Variants in DMXL2 observed in about 807,000 individuals in gnomAD.
DMXL2 encodes dmX-like protein 2.
A neutral mutation model predicts 331.1 loss-of-function variants in DMXL2; 103 were observed. That is an observed-to-expected ratio of 0.31 (90% CI 0.27 to 0.37). DMXL2 has a LOEUF of 0.37. Among genes scored for constraint, DMXL2 ranks in the 10% least tolerant of loss-of-function variants. The pLI is 1.00. For synonymous variants in DMXL2, 1,281 were observed against 1,252.1 expected (o/e 1.02, Z -0.49); for missense variants, 3,171 against 3,642.9 (o/e 0.87, Z 3.33).
At chr15:51,521,646 C>T (rs1464841702) in intron 13 of DMXL2, among the ~76,000 whole-genome samples, 1 of 152,118 alleles carries the variant, frequency 6.6e-6, no homozygotes, top group Non-Finnish European at 1.5e-5. Context: ...ATCCAATGAG[C>T]TGGCTTAAGT....
At chr15:51,451,263 CACAAAAAGG>C (rs985945587) in intron 42 of DMXL2, among the ~76,000 whole-genome samples, 3 of 151,824 alleles carry the variant, frequency 2.0e-5, no homozygotes, top group Middle Eastern at 3.2e-3. Context: ...CCTTGATCTC[CACAAAAAGG>C]AAAAAAAGAC....
intron 2 of DMXL2, among the ~76,000 whole-genome samples, chr15:51,570,042 T>A (rs2050558724): frequency 6.6e-6 from 1 of 151,868 alleles, no homozygotes; most frequent in Non-Finnish European, 1.5e-5. Flanking sequence ...CTAAGAACCT[T>A]GAAAAAAGGT....
At chr15:51,532,170 TTACA>T (rs980610547) in intron 13 of DMXL2, among the ~76,000 whole-genome samples, 3 of 151,986 alleles carry the variant, frequency 2.0e-5, no homozygotes, top group African/African-American at 7.3e-5. Context: ...AATGTGGTAC[TTACA>T]TACGACAGAG....
In DMXL2 at chr15:51,496,130, C is replaced by A. The variant is rs137934960; in HGVS notation, c.4673-996G>T. On this transcript the variant is annotated intron_variant, in intron 18 of 43. Transcript: ENST00000560891. Reference sequence around the variant, plus strand: ...AAAGTGCTGCCATTACAGGTGTGAGCCACCATGCTCATTCGTCCGTTTATT... The same window carrying A: ...AAAGTGCTGCCATTACAGGTGTGAGACACCATGCTCATTCGTCCGTTTATT... Among the ~76,000 whole-genome samples, 8 of 152,236 alleles carry A rather than the reference C, an allele frequency of 5.3e-5. No homozygotes were observed. In the East Asian group the frequency reaches 1.5e-3, roughly 29 times the overall value.
At position 51,502,877 on chromosome 15, in the gene DMXL2, G is replaced by T; in HGVS notation, c.2921C>A (p.Ser974Tyr). ...LQTASKLILS[S>Y]RLVYSQPLDL... is the part of the protein sequence containing the mutation. Reference sequence around the variant, plus strand: ...AAGGGGTTGGCTATACACCAGTCTAGAACTCAGAATAAGTTTACTGGCAGT... The same window carrying T: ...AAGGGGTTGGCTATACACCAGTCTATAACTCAGAATAAGTTTACTGGCAGT... Residue 974 changes from serine to tyrosine, a missense_variant, in exon 17 of 44, where the codon TCT becomes TAT. Physicochemically the swap from Ser to Tyr is moderately radical, Grantham distance 144 (BLOSUM62 -2). Transcript: ENST00000560891. 1 of 1,614,048 alleles carries T rather than the reference G, an allele frequency of 6.2e-7. No individual in the cohort carries two copies. Among genetic ancestry groups the T allele is most frequent in the Non-Finnish European group, 8.5e-7 (1 of 1,179,996 alleles).
chr15:51,579,493 G>A (rs1277951344), intron 1 of DMXL2, among the ~76,000 whole-genome samples: 1 of 152,164 alleles, frequency 6.6e-6, no homozygotes, highest in African/African-American at 2.4e-5. Flanking sequence ...CCACTATACT[G>A]AATGGTTCAT....
At chr15:51,523,847 A>C (rs917637924) in intron 13 of DMXL2, among the ~76,000 whole-genome samples, 1 of 152,262 alleles carries the variant, frequency 6.6e-6, no homozygotes, top group African/African-American at 2.4e-5. Context: ...AACTTATAGA[A>C]GTAAAAGGAG....
At chr15:51,458,681 C>T (rs1216964466) in intron 35 of DMXL2, 28 bp downstream of exon 35, 2 of 1,613,340 alleles carry the variant, frequency 1.2e-6, no homozygotes, top group Non-Finnish European at 1.7e-6. Context: ...AGGAGAAATA[C>T]ACTGTGTATA....
chr15:51,520,032 T>C (rs1162648968), intron 13 of DMXL2, among the ~76,000 whole-genome samples: 1 of 152,176 alleles, frequency 6.6e-6, no homozygotes, highest in Non-Finnish European at 1.5e-5. Context: ...AATACAAATT[T>C]TTTCACAATC....
intron 1 of DMXL2, among the ~76,000 whole-genome samples, chr15:51,614,142 T>C (rs974257038): frequency 2.0e-5 from 3 of 152,098 alleles, no homozygotes; most frequent in Admixed American, 6.6e-5. Flanking sequence ...CGCAAGTGCA[T>C]GTACACAAAG....
intron 16 of DMXL2, among the ~76,000 whole-genome samples, chr15:51,504,026 T>A (rs2043874818): frequency 6.6e-6 from 1 of 152,096 alleles, no homozygotes; most frequent in African/African-American, 2.4e-5. Context: ...AAGAAACCCC[T>A]TATACAGTCC....
chr15:51,567,788 A>G (rs1304453194), intron 3 of DMXL2: 1 of 152,436 alleles, frequency 6.6e-6, no homozygotes, highest in African/African-American at 2.4e-5. Context: ...TTTTATCTGA[A>G]AGAAATATGG....
intron 1 of DMXL2, among the ~76,000 whole-genome samples, chr15:51,586,024 TC>T (rs1231520312): frequency 6.6e-6 from 1 of 152,184 alleles, no homozygotes; most frequent in Non-Finnish European, 1.5e-5. Context: ...TTGAATAAGT[TC>T]TTTTGTCCAC....
chr15:51,451,744 T>C (rs200955838), intron 41 of DMXL2, 47 bp from the exon 42 acceptor site: 112 of 1,523,080 alleles, frequency 7.4e-5, no homozygotes, highest in Non-Finnish European at 8.5e-5. Flanking sequence ...ATGATTGTTA[T>C]AAGTCGTCAT....
chr15:51,576,523 C>T (rs1468721686), intron 1 of DMXL2, among the ~76,000 whole-genome samples: 3 of 152,116 alleles, frequency 2.0e-5, no homozygotes, highest in East Asian at 3.9e-4. Context: ...TATAAAAGCT[C>T]CATCTAAAAA....
rs1395884403 is a variant in DMXL2, at chr15:51,499,825, A to G, written c.3399T>C (p.Ser1133=). The G allele has an allele frequency of 1.2e-6, 2 of 1,614,010 alleles. No homozygotes were observed. The highest frequency in any genetic ancestry group is 1.7e-6 in the Non-Finnish European group (2 of 1,179,994). The change falls in exon 18 of 44, where the codon AGT becomes AGC. Residue 1133 remains serine, a synonymous_variant. Transcript: ENST00000560891. ...IHLDDLVKVG[S]VLDSRVSVDS... Reference sequence around the variant, plus strand: ...CGACGCTGACCCTTGAATCAAGTACACTCCCAACCTTAACCAAATCATCAA... The same window carrying G: ...CGACGCTGACCCTTGAATCAAGTACGCTCCCAACCTTAACCAAATCATCAA...
chr15:51,503,533 T>A (rs951456360), intron 16 of DMXL2, among the ~76,000 whole-genome samples: 1 of 152,060 alleles, frequency 6.6e-6, no homozygotes, highest in African/African-American at 2.4e-5. Flanking sequence ...GTGGATCTCA[T>A]AGAGGTAGAT....
rs894161030 is a variant in DMXL2 at position 51,576,311 on chromosome 15, TTAATA to T, written c.88-135_88-131del. 3.4e-5 allele frequency: 22 copies of T among 639,932 alleles called. No homozygotes were observed. In the African/African-American group the frequency reaches 3.9e-4, roughly 11 times the overall value. 39.6% of individuals were successfully genotyped at this position (639,932 alleles called of 1,614,324 possible). A position where few individuals can be genotyped will look rare whatever the true frequency, so the allele number is the denominator to read the frequency against. ...TACCTTGGGACATTTTACAAAATAGTTAATATAATATCAATTTCTAAATAAGAACA... is the reference window on the plus strand; with the variant it reads ...TACCTTGGGACATTTTACAAAATAGTTAATATCAATTTCTAAATAAGAACA... On this transcript the variant is annotated intron_variant, in intron 1 of 43. Coordinates refer to ENST00000560891, the MANE Select transcript of DMXL2 (RefSeq NM_001378457.1).
At position 51,513,338 on chromosome 15, in the gene DMXL2, A is replaced by C. The variant is rs570574329; in HGVS notation, c.2644+1104T>G. 4.6e-5 allele frequency among the ~76,000 whole-genome samples: 7 copies of C among 152,340 alleles called. No individual in the cohort carries two copies. In the South Asian group the frequency reaches 1.4e-3, roughly 32 times the overall value. ...GAAACCATATTAAAAAGATTAACCC[A>C]GGCAAAGGTAAGATACTACAGAAAA... is the stretch of plus-strand genomic sequence containing the variant. On this transcript the variant is annotated intron_variant, in intron 15 of 43. Coordinates refer to ENST00000560891, the MANE Select transcript of DMXL2 (RefSeq NM_001378457.1).
Sources: gnomAD v4.1 joint callset for allele counts (sites outside exome capture counted in the v4.1 genomes callset) on GRCh38, gnomAD v4.1.1 for gene constraint, MANE v1.5 for transcripts, NCBI Gene and HGNC (gene_info 2026-07-23, HGNC 2026-07-21) for gene names.